Variants in PXDNL observed in about 807,000 individuals in gnomAD.
PXDNL encodes the protein peroxidasin like.
In PXDNL, 145 loss-of-function variants were observed where a neutral mutation model predicts 150.8. That is an observed-to-expected ratio of 0.96 (90% CI 0.84 to 1.10). PXDNL has a LOEUF of 1.10. Ranked by LOEUF, PXDNL falls within the 50% of genes least tolerant of loss-of-function variation. The pLI is 0.00. For synonymous variants in PXDNL, 757 were observed against 725.7 expected, an observed-to-expected ratio of 1.04 and a Z score of -0.69; for missense variants, 2,087 against 1,873.9, an observed-to-expected ratio of 1.11 and a Z score of -2.10.
intron 1 of PXDNL, among the ~76,000 whole-genome samples, chr8:51,793,423 A>G (rs2037531750): frequency 6.6e-6 from 1 of 152,212 alleles, no homozygotes; most frequent in Non-Finnish European, 1.5e-5. Flanking sequence ...AAGACAGAGC[A>G]CCACTTCTCC....
chr8:51,654,736 T>C lies in PXDNL; in HGVS notation c.189A>G (p.Arg63=), dbSNP rs1169285345. Reference sequence around the variant, plus strand: ...TCTTGAAGGCGCTCCCTGGAATTTCTCTTATTCTGTTAAACCTCAAGTCTC... The same window carrying C: ...TCTTGAAGGCGCTCCCTGGAATTTCCCTTATTCTGTTAAACCTCAAGTCTC... ...TVLDLRFNRI[R]EIPGSAFKKL... Residue 63 remains arginine (R), a synonymous_variant, in exon 2 of 23, where the codon AGA becomes AGG. Coordinates refer to ENST00000356297, the MANE Select transcript of PXDNL (RefSeq NM_144651.5). The C allele has an allele frequency of 1.9e-6, 3 of 1,613,432 alleles. No individual in the cohort carries two copies. The highest frequency in any genetic ancestry group is 1.7e-5 in the Admixed American group (1 of 60,012).
chr8:51,729,711 T>G (rs1280148981), intron 1 of PXDNL, among the ~76,000 whole-genome samples: 1 of 152,232 alleles, frequency 6.6e-6, no homozygotes, highest in African/African-American at 2.4e-5. Context: ...ATAGAAGGTT[T>G]AATCATCATT....
At chr8:51,323,780 G>T (rs1805395931) in intron 21 of PXDNL, among the ~76,000 whole-genome samples, 3 of 151,972 alleles carry the variant, frequency 2.0e-5, no homozygotes, top group African/African-American at 7.3e-5. Context: ...GCCGGGCGTA[G>T]TGGTGGGTGC....
At chr8:51,790,495 G>A (rs1024887721) in intron 1 of PXDNL, among the ~76,000 whole-genome samples, 2 of 152,162 alleles carry the variant, frequency 1.3e-5, no homozygotes, top group Admixed American at 1.3e-4. Context: ...TTTCTAAGAC[G>A]AGGTCCTGAG....
At chr8:51,436,018 T>C in intron 12 of PXDNL, 3 of 528,416 alleles carry the variant, frequency 5.7e-6, no homozygotes, top group South Asian at 2.8e-5. Flanking sequence ...TCATGGACCA[T>C]CTGCTAAATT....
intron 1 of PXDNL, among the ~76,000 whole-genome samples, chr8:51,727,250 C>A (rs954570091): frequency 1.3e-5 from 2 of 152,132 alleles, no homozygotes; most frequent in Admixed American, 6.6e-5. Flanking sequence ...AAGAGCATGG[C>A]ATTTTGTTTT....
intron 4 of PXDNL, among the ~76,000 whole-genome samples, chr8:51,537,726 G>A (rs1812113384): frequency 6.6e-6 from 1 of 152,042 alleles, no homozygotes; most frequent in Admixed American, 6.5e-5. Flanking sequence ...AACAAACTTG[G>A]GCATTTTCAA....
intron 1 of PXDNL, among the ~76,000 whole-genome samples, chr8:51,700,545 A>AATAT (rs1816235225): frequency 6.9e-6 from 1 of 144,836 alleles, no homozygotes. Flanking sequence ...CAAATACACA[A>AATAT]ACATACATAC....
At chr8:51,581,524 T>C (rs897363688) in intron 3 of PXDNL, among the ~76,000 whole-genome samples, 4 of 142,364 alleles carry the variant, frequency 2.8e-5, no homozygotes, top group African/African-American at 8.9e-5. Flanking sequence ...TTTTAAAAAT[T>C]AAAAATTAAA....
chr8:51,796,772 T>G (rs1407961893), intron 1 of PXDNL, among the ~76,000 whole-genome samples: 3 of 152,190 alleles, frequency 2.0e-5, no homozygotes, highest in Admixed American at 6.5e-5. Flanking sequence ...CCATTTCTTC[T>G]GAAACTATTC....
chr8:51,744,793 GAGA>G (rs2036959033), intron 1 of PXDNL, among the ~76,000 whole-genome samples: 2 of 142,928 alleles, frequency 1.4e-5, no homozygotes, highest in Non-Finnish European at 3.0e-5. Context: ...GAGAGAAAAA[GAGA>G]AAGAGAGAGA....
At chr8:51,613,753 A>C (rs1462668088) in intron 2 of PXDNL, among the ~76,000 whole-genome samples, 3 of 152,156 alleles carry the variant, frequency 2.0e-5, no homozygotes, top group African/African-American at 7.2e-5. Context: ...ACCCTCTAAA[A>C]TGCAAACTCC....
At position 51,408,090 on chromosome 8, in the gene PXDNL, T is replaced by C; in HGVS notation, c.3534A>G (p.Ser1178=). Residue 1178 remains serine (S), a synonymous_variant, in exon 17 of 23, where the codon TCA becomes TCG. Transcript: ENST00000356297. ...FEDLQNEIKD[S]EIRQKLRKLY... ...ACTTTCTCAGTTTTTGTCTAATCTC[T>C]GAATCTTTAATTTCATTTTGAAGAT... The C allele has an allele frequency of 6.2e-7, 1 of 1,607,146 alleles. No individual in the cohort carries two copies. The highest frequency in any genetic ancestry group is 8.5e-7 in the Non-Finnish European group (1 of 1,178,016).
chr8:51,353,423 CCT>C (rs1459250274), intron 19 of PXDNL, among the ~76,000 whole-genome samples: 5 of 151,434 alleles, frequency 3.3e-5, no homozygotes, highest in African/African-American at 9.7e-5. Context: ...TCTGTATTTA[CCT>C]CTGTTACCCA....
intron 17 of PXDNL, among the ~76,000 whole-genome samples, chr8:51,396,057 C>T (rs1808072587): frequency 6.6e-6 from 1 of 152,222 alleles, no homozygotes; most frequent in African/African-American, 2.4e-5. Context: ...ATCTTAGCTG[C>T]ACTTGGCTGA....
chr8:51,570,729 A>T (rs535412187), intron 3 of PXDNL, among the ~76,000 whole-genome samples: 7 of 152,020 alleles, frequency 4.6e-5, no homozygotes, highest in Admixed American at 3.3e-4. Context: ...CATTTTGCTC[A>T]TTTGATAATT....
At chr8:51,442,866 T>C (rs1259858675) in intron 12 of PXDNL, among the ~76,000 whole-genome samples, 1 of 98,728 alleles carries the variant, frequency 1.0e-5, no homozygotes, top group Admixed American at 1.2e-4. Flanking sequence ...AGATTATGCT[T>C]GTTTTTAAAA....
chr8:51,341,142 G>A lies in PXDNL; in HGVS notation c.4017-1389C>T, dbSNP rs543536825. Among the ~76,000 whole-genome samples, 12 of 152,300 alleles carry A rather than the reference G, an allele frequency of 7.9e-5. No individual in the cohort carries two copies. The South Asian group carries it at 1.9e-3, about 24-fold the overall frequency. On this transcript the variant is annotated intron_variant, in intron 20 of 22. Coordinates refer to ENST00000356297, the MANE Select transcript of PXDNL (RefSeq NM_144651.5). The stretch of plus-strand genomic sequence containing the variant: ...GGGTGCAGGATGTGAGGGTGCTGCC[G>A]TTAGGCTCCTCACATTCTTTCAAAG...
intron 1 of PXDNL, among the ~76,000 whole-genome samples, chr8:51,739,242 A>T (rs1286025513): frequency 3.9e-5 from 6 of 152,174 alleles, no homozygotes; most frequent in Non-Finnish European, 7.3e-5. Context: ...CAAATGGAGC[A>T]GAAGTCAACC....
Sources: allele counts gnomAD v4.1 joint callset (sites outside exome capture counted in the v4.1 genomes callset), GRCh38; gene constraint gnomAD v4.1.1; transcripts MANE v1.5; gene names NCBI Gene and HGNC (gene_info 2026-07-23, HGNC 2026-07-21).